PGM2L1: variants seen among roughly 807,000 people sequenced by gnomAD.
PGM2L1 encodes phosphoglucomutase 2 like 1.
Under a neutral mutation model 73.4 loss-of-function variants are expected in PGM2L1, and 35 were observed. That is an observed-to-expected ratio of 0.48 (90% CI 0.36 to 0.63). PGM2L1 has a LOEUF of 0.63. Among genes scored for constraint, PGM2L1 ranks in the 30% least tolerant of loss-of-function variants. The pLI is 0.00. For synonymous variants in PGM2L1, 225 were observed against 253.8 expected (o/e 0.89, Z 1.08); for missense variants, 570 against 742.0 (o/e 0.77, Z 2.69).
chr11:74,378,361 A>G (rs1862889093), intron 1 of PGM2L1, among the ~76,000 whole-genome samples: 1 of 152,186 alleles, frequency 6.6e-6, no homozygotes, highest in Non-Finnish European at 1.5e-5. Flanking sequence ...TATAAAATGA[A>G]AATTAATTAT....
rs916792564 is a variant in PGM2L1, at chr11:74,332,698, A to G, written c.*3954T>C. The G allele has an allele frequency of 2.0e-5, 3 of 152,536 alleles. No homozygotes were observed. Among genetic ancestry groups the G allele is most frequent in the Admixed American group, 6.5e-5 (1 of 15,288 alleles). The allele number at this position is 152,536 out of a possible 1,614,324, so 9.4% of individuals were successfully genotyped here. On this transcript the variant is annotated 3_prime_UTR_variant, in exon 14 of 14. Transcript: ENST00000298198. ...CAGCAGCTCATAGAACAACTTATCC[A>G]TTAAACTACAGCTAATATCCCTGTT...
intron 1 of PGM2L1, among the ~76,000 whole-genome samples, chr11:74,395,988 ATGCC>A: frequency 6.6e-6 from 1 of 152,002 alleles, no homozygotes; most frequent in Non-Finnish European, 1.5e-5. Context: ...GTGGTGGTTC[ATGCC>A]TATAATCCCA....
intron 9 of PGM2L1, 92 bp downstream of exon 9, chr11:74,345,377 G>T (rs1325655302): frequency 2.7e-6 from 3 of 1,120,218 alleles, no homozygotes; most frequent in South Asian, 3.1e-5. Context: ...AATTACAAAT[G>T]AAATCAATGA....
chr11:74,336,813 A>C, intron 13 of PGM2L1, 59 bp from the exon 14 acceptor site: 1 of 1,200,384 alleles, frequency 8.3e-7, no homozygotes, highest in Non-Finnish European at 1.2e-6. Context: ...AAATTTATTT[A>C]AATTAGTGTG....
chr11:74,332,515 C>T lies in PGM2L1; in HGVS notation c.*4137G>A, dbSNP rs1018116013. 3 of 152,544 alleles carry T rather than the reference C, an allele frequency of 2.0e-5. No individual in the cohort carries two copies. The highest frequency in any genetic ancestry group is 2.9e-5 in the Non-Finnish European group (2 of 68,016). 9.4% of individuals were successfully genotyped at this position (152,544 alleles called of 1,614,324 possible). ...TTGAGATTTCTTATCAGTGAGGTAA[C>T]AGGGCAATAGTCCTTCACAGTAACA... On this transcript the variant is annotated 3_prime_UTR_variant, in exon 14 of 14. Coordinates refer to ENST00000298198, the MANE Select transcript of PGM2L1 (RefSeq NM_173582.6).
intron 1 of PGM2L1, chr11:74,397,843 A>G: frequency 4.3e-6 from 3 of 692,252 alleles, no homozygotes; most frequent in Non-Finnish European, 6.3e-6. Flanking sequence ...AGCACTGCAG[A>G]AGGAAGCGAT....
chr11:74,396,477 C>T (rs1004735015), intron 1 of PGM2L1, among the ~76,000 whole-genome samples: 3 of 151,890 alleles, frequency 2.0e-5, no homozygotes, highest in Admixed American at 1.3e-4. Context: ...TGCAGTGGCG[C>T]GATCTCCGCT....
intron 1 of PGM2L1, among the ~76,000 whole-genome samples, chr11:74,387,973 G>A (rs1259224577): frequency 1.3e-5 from 2 of 152,024 alleles, no homozygotes; most frequent in African/African-American, 4.8e-5. Context: ...ATGCAGTTTT[G>A]CTTTAACTCT....
At chr11:74,361,947 G>A (rs1196821702) in intron 5 of PGM2L1, among the ~76,000 whole-genome samples, 1 of 152,216 alleles carries the variant, frequency 6.6e-6, no homozygotes, top group Non-Finnish European at 1.5e-5. Flanking sequence ...GTGACAGGGA[G>A]AATGGAACCA....
chr11:74,347,250 C>T lies in PGM2L1; in HGVS notation c.837G>A (p.Val279=), dbSNP rs752097650. ...CTGGAATTGGAGGCTTAAAACCAAA[C>T]ACTTTAAAAGCCAACTGCACATAGT... ...GHDYVQLAFK[V]FGFKPPIPVP... Residue 279 remains valine, a synonymous_variant, in exon 7 of 14, where the codon GTG becomes GTA. Transcript: ENST00000298198. The T allele has an allele frequency of 4.3e-6, 7 of 1,613,178 alleles. No individual in the cohort carries two copies. The African/African-American group carries it at 9.3e-5, about 22-fold the overall frequency.
chr11:74,382,269 G>A (rs1862958805), intron 1 of PGM2L1, among the ~76,000 whole-genome samples: 1 of 152,184 alleles, frequency 6.6e-6, no homozygotes, highest in Non-Finnish European at 1.5e-5. Context: ...GTGTCCTGCT[G>A]TAGGCTTGTC....
chr11:74,368,271 G>A (rs1315582055), intron 5 of PGM2L1, among the ~76,000 whole-genome samples: 1 of 152,190 alleles, frequency 6.6e-6, no homozygotes, highest in Non-Finnish European at 1.5e-5. Context: ...GGACAATTAG[G>A]AATAAAAGAA....
At position 74,336,690 on chromosome 11, in the gene PGM2L1, G is replaced by T; in HGVS notation, c.1831C>A (p.Gln611Lys). ...CAGATCAGTCCATTCTTACTAGGCTGAAGAAAATTCTCTATCAGAGCATCA... is the reference window on the plus strand; with the variant it reads ...CAGATCAGTCCATTCTTACTAGGCTTAAGAAAATTCTCTATCAGAGCATCA... Reference protein sequence around the residue: ...LIDALIENFLQPSKNGLIWRS... With the variant: ...LIDALIENFLKPSKNGLIWRS... The change falls in exon 14 of 14, where the codon CAG becomes AAG. Residue 611 changes from glutamine (Q) to lysine (K), a missense_variant. Transcript: ENST00000298198. 1 of 1,612,846 alleles carries T rather than the reference G, an allele frequency of 6.2e-7. No homozygotes were observed. Among genetic ancestry groups the T allele is most frequent in the South Asian group, 1.1e-5 (1 of 90,950 alleles).
intron 5 of PGM2L1, among the ~76,000 whole-genome samples, chr11:74,361,143 C>A (rs921146242): frequency 2.0e-5 from 3 of 152,126 alleles, no homozygotes; most frequent in Non-Finnish European, 4.4e-5. Context: ...CTGGGAGGCA[C>A]CCCCCAGTAG....
intron 5 of PGM2L1, among the ~76,000 whole-genome samples, chr11:74,356,378 G>A (rs1008879457): frequency 2.6e-5 from 4 of 152,114 alleles, no homozygotes; most frequent in Non-Finnish European, 5.9e-5. Flanking sequence ...TTATAAACAG[G>A]AATGAAGCTT....
At chr11:74,358,705 AT>A (rs1862501998) in intron 5 of PGM2L1, among the ~76,000 whole-genome samples, 1 of 152,226 alleles carries the variant, frequency 6.6e-6, no homozygotes, top group Non-Finnish European at 1.5e-5. Flanking sequence ...CCTGGCCAAC[AT>A]GGCGAAATCC....
At chr11:74,355,843 G>A (rs1242255432) in intron 5 of PGM2L1, 3 of 434,260 alleles carry the variant, frequency 6.9e-6, no homozygotes, top group South Asian at 3.3e-5. Context: ...GCCTAGCTGC[G>A]ACAAGACATA....
At position 74,342,868 on chromosome 11, in the gene PGM2L1, A is replaced by G. The variant is rs1862203583; in HGVS notation, c.1442+17T>C. On this transcript the variant is annotated intron_variant, in intron 11 of 13. Coordinates refer to ENST00000298198, the MANE Select transcript of PGM2L1 (RefSeq NM_173582.6). ...AAGAAAAATCTAGCATGTGAAATTC[A>G]TAATAGTAGAACTTACTTTTCATAA... The G allele has an allele frequency of 6.4e-7, 1 of 1,569,428 alleles. No individual in the cohort carries two copies. The highest frequency in any genetic ancestry group is 8.6e-7 in the Non-Finnish European group (1 of 1,162,122).
At position 74,397,769 on chromosome 11, in the gene PGM2L1, A is replaced by G. The variant is rs528286926; in HGVS notation, c.111+282T>C. The stretch of plus-strand genomic sequence containing the variant: ...GATTTTTTTTTTTTTTTTTTTGAAG[A>G]AAGAGGGAAGACAGCACTTGAAAGG... On this transcript the variant is annotated intron_variant, in intron 1 of 13. Transcript: ENST00000298198. The G allele has an allele frequency of 1.7e-3, 325 of 194,942 alleles. 2 individuals are homozygous for G. The highest frequency in any genetic ancestry group is 9.3e-3 in the African/African-American group (305 of 32,920). 12.1% of individuals were successfully genotyped at this position (194,942 alleles called of 1,614,324 possible). A position where few individuals can be genotyped will look rare whatever the true frequency, so the allele number is the denominator to read the frequency against.
Sources: gnomAD v4.1 joint callset for allele counts (sites outside exome capture counted in the v4.1 genomes callset) on GRCh38, gnomAD v4.1.1 for gene constraint, MANE v1.5 for transcripts, NCBI Gene and HGNC (gene_info 2026-07-23, HGNC 2026-07-21) for gene names.